The following FGGY variants were observed in gnomAD, a reference collection of about 807,000 sequenced individuals.
The protein encoded by FGGY is FGGY carbohydrate kinase domain containing, also known as FGGY carbohydrate kinase domain-containing protein.
In FGGY, 72 loss-of-function variants were observed where a neutral mutation model predicts 71.3. That is an observed-to-expected ratio of 1.01 (90% CI 0.84 to 1.23). FGGY has a LOEUF of 1.23. Ranked by LOEUF, FGGY falls within the 50% of genes most tolerant of loss-of-function variation. The probability of loss-of-function intolerance (pLI) is 0.00; values close to 1 mark genes in which losing one functional copy is unlikely to be tolerated. For missense variants in FGGY, 668 were observed against 682.3 expected (o/e 0.98, Z 0.23); for synonymous variants, 251 against 250.3 (o/e 1.00, Z -0.02).
At chr1:59,578,551 A>G (rs2153746167) in intron 8 of FGGY, among the ~76,000 whole-genome samples, 1 of 152,222 alleles carries the variant, frequency 6.6e-6, no homozygotes, top group Non-Finnish European at 1.5e-5. Flanking sequence ...AGAATTTTCA[A>G]TTAGCCAAAA....
chr1:59,426,765 G>T (rs890456822), intron 5 of FGGY, among the ~76,000 whole-genome samples: 4 of 151,908 alleles, frequency 2.6e-5, no homozygotes, highest in African/African-American at 9.7e-5. Flanking sequence ...CTAGAACTGT[G>T]TCTAGAACCT....
chr1:59,374,587 A>G (rs1464278173), intron 4 of FGGY, among the ~76,000 whole-genome samples: 1 of 152,260 alleles, frequency 6.6e-6, no homozygotes, highest in East Asian at 1.9e-4. Context: ...TCATGCTGCT[A>G]TAAAGACACA....
intron 9 of FGGY, among the ~76,000 whole-genome samples, chr1:59,618,462 A>G (rs2096778367): frequency 6.6e-6 from 1 of 151,974 alleles, no homozygotes; most frequent in Admixed American, 6.6e-5. Context: ...TCTTTCCAAA[A>G]CTGAATCTGA....
chr1:59,758,084 C>A, intron 15 of FGGY, 92 bp downstream of exon 15: 1 of 830,708 alleles, frequency 1.2e-6, no homozygotes. Context: ...CTCAGGTGGT[C>A]AACTAATCCA....
intron 8 of FGGY, among the ~76,000 whole-genome samples, chr1:59,570,718 C>T (rs2095970604): frequency 1.3e-5 from 2 of 151,900 alleles, no homozygotes; most frequent in African/African-American, 4.9e-5. Flanking sequence ...AATAGGAAGT[C>T]AGAGTTTACT....
At chr1:59,627,923 C>G (rs1480357104) in intron 10 of FGGY, among the ~76,000 whole-genome samples, 1 of 152,120 alleles carries the variant, frequency 6.6e-6, no homozygotes, top group Non-Finnish European at 1.5e-5. Flanking sequence ...GACGAAATGA[C>G]AGGTCTTCCT....
At chr1:59,460,405 G>A (rs1458639884) in intron 6 of FGGY, among the ~76,000 whole-genome samples, 2 of 152,172 alleles carry the variant, frequency 1.3e-5, no homozygotes, top group East Asian at 1.9e-4. Flanking sequence ...TCGGAAGCTC[G>A]AACTGGGTGC....
intron 14 of FGGY, among the ~76,000 whole-genome samples, chr1:59,747,390 C>G (rs188324417): frequency 4.6e-5 from 7 of 152,156 alleles, no homozygotes; most frequent in African/African-American, 1.7e-4. Flanking sequence ...TCCCCTGTGC[C>G]GTATTTGCCC....
chr1:59,539,296 A>G lies in FGGY; in HGVS notation c.800-14828A>G, dbSNP rs72917718. Among the ~76,000 whole-genome samples, 1,070 of 152,336 alleles carry G rather than the reference A, an allele frequency of 7.0e-3. 11 individuals are homozygous for G. Among genetic ancestry groups the G allele is most frequent in the African/African-American group, 0.024 (1,001 of 41,568 alleles). ...TAGACATCCTAAAACTTAGATGGAA[A>G]GGATCAATAATAAGACAGTCTTGAA... On this transcript the variant is annotated intron_variant, in intron 7 of 15. Transcript: ENST00000303721.
At chr1:59,589,663 T>G (rs918431583) in intron 8 of FGGY, among the ~76,000 whole-genome samples, 3 of 152,026 alleles carry the variant, frequency 2.0e-5, no homozygotes, top group Non-Finnish European at 2.9e-5. Flanking sequence ...ACATGGAAAC[T>G]GAACAACCTG....
chr1:59,648,605 T>C lies in FGGY; in HGVS notation c.1221+10230T>C, dbSNP rs1321337873. Among the ~76,000 whole-genome samples, 27 of 149,414 alleles carry C rather than the reference T, an allele frequency of 1.8e-4. 1 individual carries two copies. Among genetic ancestry groups the C allele is most frequent in the Non-Finnish European group, 1.6e-4 (11 of 67,964 alleles). ...ACTTTTTGATGGGGTTGTTTGTTTT[T>C]TTCTTGTAAATTTGGTTGAGTTCAT... On this transcript the variant is annotated intron_variant, in intron 11 of 15. Transcript: ENST00000303721.
chr1:59,638,482 A>G, intron 11 of FGGY, 107 bp downstream of exon 11: 1 of 1,347,380 alleles, frequency 7.4e-7, no homozygotes, highest in Non-Finnish European at 1.0e-6. Context: ...AAAACAGGCC[A>G]ACAGCCCTCT....
At chr1:59,716,037 C>T (rs2097843842) in intron 14 of FGGY, among the ~76,000 whole-genome samples, 3 of 152,170 alleles carry the variant, frequency 2.0e-5, no homozygotes, top group Admixed American at 2.0e-4. Context: ...AAGTTTGCCT[C>T]TGCTTTAAAT....
At chr1:59,360,905 A>G (rs1438217990) in intron 4 of FGGY, among the ~76,000 whole-genome samples, 1 of 151,988 alleles carries the variant, frequency 6.6e-6, no homozygotes, top group African/African-American at 2.4e-5. Flanking sequence ...GCAGCTACTG[A>G]GTGGGTAGAG....
chr1:59,427,243 C>A (rs1426367019), intron 5 of FGGY, among the ~76,000 whole-genome samples: 2 of 152,176 alleles, frequency 1.3e-5, no homozygotes, highest in African/African-American at 4.8e-5. Context: ...AAGGCGCCTC[C>A]CTGTCTGGTG....
chr1:59,510,897 C>T (rs1431261022), intron 6 of FGGY, among the ~76,000 whole-genome samples: 2 of 151,998 alleles, frequency 1.3e-5, no homozygotes, highest in African/African-American at 4.8e-5. Context: ...CAAGTTGTTC[C>T]GAACATACTT....
chr1:59,356,951 G>C (rs1308394482), intron 4 of FGGY, among the ~76,000 whole-genome samples: 1 of 152,164 alleles, frequency 6.6e-6, no homozygotes, highest in Admixed American at 6.5e-5. Context: ...CCCCCCAGGA[G>C]AATCCAAGAC....
At chr1:59,731,392 C>A (rs2098026854) in intron 14 of FGGY, among the ~76,000 whole-genome samples, 1 of 152,110 alleles carries the variant, frequency 6.6e-6, no homozygotes. Flanking sequence ...GCGTGGAAAA[C>A]CTCACTGGGA....
chr1:59,428,927 A>G (rs2066858713), intron 5 of FGGY, among the ~76,000 whole-genome samples: 2 of 152,208 alleles, frequency 1.3e-5, no homozygotes, highest in Non-Finnish European at 2.9e-5. Flanking sequence ...AACTTAGTGA[A>G]AATCCTGGTC....
Sources: allele counts gnomAD v4.1 joint callset (sites outside exome capture counted in the v4.1 genomes callset), GRCh38; gene constraint gnomAD v4.1.1; transcripts MANE v1.5; gene names NCBI Gene and HGNC (gene_info 2026-07-23, HGNC 2026-07-21).